The following FA2H variants were observed in gnomAD, a reference collection of about 807,000 sequenced individuals.
FA2H encodes the protein fatty acid alpha-hydroxylase.
A neutral mutation model predicts 44.9 loss-of-function variants in FA2H; 22 were observed. That is an observed-to-expected ratio of 0.49 (90% CI 0.35 to 0.70). The LOEUF is 0.70. Among genes scored for constraint, FA2H ranks in the 30% least tolerant of loss-of-function variants. FA2H has a pLI of 0.01. For missense variants in FA2H, 501 were observed against 504.9 expected (o/e 0.99, Z 0.07); for synonymous variants, 243 against 213.2 (o/e 1.14, Z -1.22).
chr16:74,756,861 A>C (rs1962620864), intron 1 of FA2H, among the ~76,000 whole-genome samples: 1 of 144,638 alleles, frequency 6.9e-6, no homozygotes, highest in African/African-American at 2.6e-5. Flanking sequence ...CTCCAAAAAA[A>C]ATTCCAGGGA....
intron 1 of FA2H, among the ~76,000 whole-genome samples, chr16:74,745,804 T>G (rs1481710290): frequency 6.8e-6 from 1 of 146,952 alleles, no homozygotes; most frequent in African/African-American, 2.5e-5. Context: ...AATGGATTTT[T>G]TTTTTTTTTT....
intron 1 of FA2H, among the ~76,000 whole-genome samples, chr16:74,772,435 T>G (rs1962927434): frequency 6.6e-6 from 1 of 152,206 alleles, no homozygotes; most frequent in Admixed American, 6.5e-5. Flanking sequence ...CCTTCCCCAT[T>G]ATCCCATTAG....
intron 1 of FA2H, among the ~76,000 whole-genome samples, chr16:74,762,720 G>C (rs1228880917): frequency 1.3e-5 from 2 of 151,990 alleles, no homozygotes; most frequent in Non-Finnish European, 2.9e-5. Flanking sequence ...AGTAGAGATG[G>C]GGTTTCACCA....
intron 1 of FA2H, among the ~76,000 whole-genome samples, chr16:74,754,260 G>T (rs1163849164): frequency 6.6e-6 from 1 of 152,190 alleles, no homozygotes; most frequent in Non-Finnish European, 1.5e-5. Context: ...GCCAGGTGTG[G>T]TGGCACGTGC....
intron 4 of FA2H, among the ~76,000 whole-genome samples, chr16:74,720,259 G>C (rs1381745772): frequency 8.3e-6 from 1 of 119,836 alleles, no homozygotes; most frequent in Non-Finnish European, 1.6e-5. Context: ...GCAGTGGTGT[G>C]ATCTCAGCTC....
At chr16:74,770,415 T>C (rs951550026) in intron 1 of FA2H, among the ~76,000 whole-genome samples, 1 of 152,232 alleles carries the variant, frequency 6.6e-6, no homozygotes, top group African/African-American at 2.4e-5. Context: ...TCTTGCTCTG[T>C]CACCCAGGCT....
At chr16:74,774,360 G>T in intron 1 of FA2H, 126 bp downstream of exon 1, 1 of 882,200 alleles carries the variant, frequency 1.1e-6, no homozygotes, top group Non-Finnish European at 1.6e-6. Flanking sequence ...GAGAGGGAAA[G>T]CGAGGGAAGG....
intron 1 of FA2H, among the ~76,000 whole-genome samples, chr16:74,746,242 T>C (rs1332303018): frequency 2.0e-5 from 3 of 151,920 alleles, no homozygotes; most frequent in African/African-American, 7.3e-5. Flanking sequence ...TGTCAGACCT[T>C]CAGATTTCTT....
intron 6 of FA2H, among the ~76,000 whole-genome samples, chr16:74,715,800 T>TTTCTTC (rs754616483): frequency 1.3e-5 from 2 of 150,866 alleles, no homozygotes; most frequent in Middle Eastern, 3.4e-3. Context: ...CTTGCTTTAC[T>TTTCTTC]TTCTTCTTCT....
chr16:74,715,586 T>C (rs1039022146), intron 6 of FA2H, among the ~76,000 whole-genome samples: 1 of 152,236 alleles, frequency 6.6e-6, no homozygotes, highest in African/African-American at 2.4e-5. Context: ...GCCACTGCGC[T>C]CAGCCATTAA....
At chr16:74,736,920 C>G (rs1412766709) in intron 2 of FA2H, among the ~76,000 whole-genome samples, 1 of 152,160 alleles carries the variant, frequency 6.6e-6, no homozygotes, top group Non-Finnish European at 1.5e-5. Flanking sequence ...GATTTAAGCT[C>G]TTCCTTATCA....
intron 6 of FA2H, 70 bp downstream of exon 6, chr16:74,716,277 G>T: frequency 6.4e-7 from 1 of 1,567,136 alleles, no homozygotes; most frequent in Non-Finnish European, 8.7e-7. Context: ...GTTCCCAGGA[G>T]CTCGATGGTA....
chr16:74,745,750 T>C (rs577858547), intron 1 of FA2H, among the ~76,000 whole-genome samples: 1 of 150,276 alleles, frequency 6.7e-6, no homozygotes, highest in Admixed American at 6.6e-5. Context: ...CGTTATTTCC[T>C]CTCTGGTCAG....
At chr16:74,753,404 C>A (rs976357900) in intron 1 of FA2H, among the ~76,000 whole-genome samples, 1 of 152,162 alleles carries the variant, frequency 6.6e-6, no homozygotes, top group East Asian at 1.9e-4. Flanking sequence ...ACCCCACGAA[C>A]AGCAGGGCGA....
intron 2 of FA2H, among the ~76,000 whole-genome samples, chr16:74,736,677 T>C (rs1487258290): frequency 6.6e-6 from 1 of 152,206 alleles, no homozygotes; most frequent in Non-Finnish European, 1.5e-5. Flanking sequence ...CAGCTGGTTA[T>C]GCCAGCATCT....
At chr16:74,761,458 A>AAAAGAAAGAAAGAAAG (rs147015393) in intron 1 of FA2H, among the ~76,000 whole-genome samples, 1 of 93,596 alleles carries the variant, frequency 1.1e-5, no homozygotes, top group African/African-American at 4.3e-5. Flanking sequence ...GTCTCAAAAA[A>AAAAGAAAGAAAGAAAG]AAAGAAAGAA....
At chr16:74,755,159 G>GTT (rs33961030) in intron 1 of FA2H, among the ~76,000 whole-genome samples, 68,101 of 146,466 alleles carry the variant, frequency 0.46, 16,630 homozygotes, top group Middle Eastern at 0.55. Flanking sequence ...ATACATTTGT[G>GTT]TTTTTTTTTT....
intron 1 of FA2H, among the ~76,000 whole-genome samples, chr16:74,744,566 C>A (rs1273191059): frequency 6.6e-6 from 1 of 151,698 alleles, no homozygotes; most frequent in African/African-American, 2.4e-5. Context: ...ATCCTCACAC[C>A]TCAGCCTCCC....
At chr16:74,715,743 C>T (rs1175039043) in intron 6 of FA2H, among the ~76,000 whole-genome samples, 7 of 151,996 alleles carry the variant, frequency 4.6e-5, no homozygotes, top group Non-Finnish European at 5.9e-5. Flanking sequence ...CATAATATGT[C>T]AGTGGAAATC....
Sources: allele counts gnomAD v4.1 joint callset (sites outside exome capture counted in the v4.1 genomes callset), GRCh38; gene constraint gnomAD v4.1.1; transcripts MANE v1.5; gene names NCBI Gene and HGNC (gene_info 2026-07-23, HGNC 2026-07-21).